KLF17: variants seen among roughly 807,000 people sequenced by gnomAD.
The protein encoded by KLF17 is Krueppel-like factor 17.
A neutral mutation model predicts 34.2 loss-of-function variants in KLF17; 31 were observed. The ratio of observed to expected loss-of-function variants is 0.91; its 90% CI spans 0.68 to 1.22. The LOEUF (loss-of-function observed/expected upper bound fraction) is 1.22, where lower values mean the gene tolerates loss of function less well. Among genes scored for constraint, KLF17 ranks in the 50% most tolerant of loss-of-function variants. KLF17 has a pLI of 0.00. For missense variants in KLF17, 478 were observed against 505.2 expected (o/e 0.95, Z 0.52); for synonymous variants, 179 against 186.7 (o/e 0.96, Z 0.34).
chr1:44,112,766 A>T, the KLF17 span, among the ~76,000 whole-genome samples: 1 of 152,108 alleles, frequency 6.6e-6, no homozygotes, highest in African/African-American at 2.4e-5. Context: ...AGCAGTGTCT[A>T]TCTGAATGCT....
chr1:44,102,046 A>AAAAGAAAC, the KLF17 span, among the ~76,000 whole-genome samples: 1 of 151,352 alleles, frequency 6.6e-6, no homozygotes, highest in Non-Finnish European at 1.5e-5. Flanking sequence ...CCCTGTCTCA[A>AAAAGAAAC]AAACAAACAA....
intron 3 of KLF17, 29 bp downstream of exon 3, chr1:44,130,785 T>C: frequency 6.2e-7 from 1 of 1,607,634 alleles, no homozygotes; most frequent in South Asian, 1.1e-5. Context: ...TTCTGGGTTT[T>C]CTTTTTCCTT....
chr1:44,125,597 A>G (rs57173249), intron 1 of KLF17, among the ~76,000 whole-genome samples: 1,804 of 152,228 alleles, frequency 0.012, 71 homozygotes, highest in East Asian at 0.074. Context: ...CCTCCTGAGT[A>G]GCTGGGATTA....
At chr1:44,122,933 A>G (rs182563119) in intron 1 of KLF17, among the ~76,000 whole-genome samples, 62 of 152,288 alleles carry the variant, frequency 4.1e-4, no homozygotes, top group Non-Finnish European at 3.7e-4. Flanking sequence ...CATTCATTCT[A>G]CATTTATTAG....
the KLF17 span, chr1:44,046,164 T>TAATAATAAC: frequency 6.9e-6 from 1 of 144,232 alleles, no homozygotes; most frequent in Non-Finnish European, 1.5e-5. Flanking sequence ...ATAATAATAA[T>TAATAATAAC]AGCTATCATA....
the KLF17 span, among the ~76,000 whole-genome samples, chr1:44,049,263 C>T: frequency 3.9e-5 from 6 of 152,238 alleles, no homozygotes; most frequent in South Asian, 6.2e-4. Context: ...CCAACGACCC[C>T]GTCTCCTAAT....
intron 2 of KLF17, 146 bp downstream of exon 2, chr1:44,130,342 A>G: frequency 7.0e-7 from 1 of 1,421,500 alleles, no homozygotes. Context: ...CTTGCCATAC[A>G]GGAGGACTGT....
chr1:44,071,205 C>T, the KLF17 span, among the ~76,000 whole-genome samples: 19,487 of 152,144 alleles, frequency 0.13, 1,432 homozygotes, highest in African/African-American at 0.2. Flanking sequence ...GGTTCCCTTC[C>T]ACTTCTTACT....
chr1:44,096,232 G>A, the KLF17 span, among the ~76,000 whole-genome samples: 1 of 152,062 alleles, frequency 6.6e-6, no homozygotes, highest in Non-Finnish European at 1.5e-5. Context: ...GTGAGCCACT[G>A]CACCTGGCCT....
At position 44,129,330 on chromosome 1, in the gene KLF17, TCACCTGA is replaced by T. The variant is rs767390829; in HGVS notation, c.82-21_82-15del. The T allele has an allele frequency of 4.7e-5, 70 of 1,503,374 alleles. No individual in the cohort carries two copies. Among genetic ancestry groups the T allele is most frequent in the Non-Finnish European group, 1.6e-5 (18 of 1,126,512 alleles). The allele number at this position is 1,503,374 out of a possible 1,614,324, so 93.1% of individuals were successfully genotyped here. A position where few individuals can be genotyped will look rare whatever the true frequency, so the allele number is the denominator to read the frequency against. On this transcript the variant is annotated splice_polypyrimidine_tract_variant and intron_variant, in intron 1 of 3. Coordinates refer to ENST00000372299, the MANE Select transcript of KLF17 (RefSeq NM_173484.4). ...TGTGGAACTGGAATTTGAGCAAAAATCACCTGACTCTTTTTCCCCAAGGATAACGAGA... is the reference window on the plus strand; with the variant it reads ...TGTGGAACTGGAATTTGAGCAAAAATCTCTTTTTCCCCAAGGATAACGAGA...
chr1:44,122,132 A>G lies in KLF17; in HGVS notation c.81+3144A>G, dbSNP rs184994489. On this transcript the variant is annotated intron_variant, in intron 1 of 3. Coordinates refer to ENST00000372299, the MANE Select transcript of KLF17 (RefSeq NM_173484.4). ...ATATCCCAAATCCCGTATGACTTTG[A>G]AACAGTAATCCTGAGAGACATTATC... 5,087 of 1,437,372 alleles carry G rather than the reference A, an allele frequency of 3.5e-3. 15 individuals carry two copies. The highest frequency in any genetic ancestry group is 4.3e-3 in the Non-Finnish European group (4,458 of 1,027,274). 89.0% of individuals were successfully genotyped at this position (1,437,372 alleles called of 1,614,324 possible).
At chr1:44,122,097 T>C in intron 1 of KLF17, 5 of 1,086,290 alleles carry the variant, frequency 4.6e-6, no homozygotes, top group East Asian at 2.4e-5. Context: ...AAACACAACC[T>C]GTACAAAAAA....
chr1:44,085,981 G>C, the KLF17 span, among the ~76,000 whole-genome samples: 1 of 152,080 alleles, frequency 6.6e-6, no homozygotes, highest in South Asian at 2.1e-4. Context: ...GTGAAGAAAA[G>C]GTGTCCAAGG....
At chr1:44,131,980 C>T (rs1381609986) in intron 3 of KLF17, among the ~76,000 whole-genome samples, 1 of 152,126 alleles carries the variant, frequency 6.6e-6, no homozygotes, top group Non-Finnish European at 1.5e-5. Flanking sequence ...CAAGCATAAG[C>T]CATGGTGTCT....
chr1:44,073,446 T>C, the KLF17 span, among the ~76,000 whole-genome samples: 1 of 152,080 alleles, frequency 6.6e-6, no homozygotes, highest in Non-Finnish European at 1.5e-5. Flanking sequence ...CCTCAGGTGA[T>C]CCACCCACCT....
chr1:44,060,373 C>G, the KLF17 span, among the ~76,000 whole-genome samples: 6 of 152,254 alleles, frequency 3.9e-5, no homozygotes, highest in East Asian at 7.7e-4. Flanking sequence ...GAGGCTGAGG[C>G]AGGTGAATCT....
the KLF17 span, among the ~76,000 whole-genome samples, chr1:44,057,582 C>T: frequency 1.3e-5 from 2 of 152,168 alleles, no homozygotes; most frequent in Non-Finnish European, 1.5e-5. Flanking sequence ...GTCAGCAGCA[C>T]CATACTATAT....
At chr1:44,049,797 A>G in the KLF17 span, among the ~76,000 whole-genome samples, 896 of 152,340 alleles carry the variant, frequency 5.9e-3, 6 homozygotes, top group African/African-American at 0.021. Flanking sequence ...TATTGTTTTC[A>G]ATCTATAAGG....
chr1:44,103,742 T>A, the KLF17 span: 3 of 1,279,216 alleles, frequency 2.3e-6, no homozygotes, highest in Non-Finnish European at 3.4e-6. Flanking sequence ...CACCCTTAAC[T>A]GCCAGCTCCT....
Sources: allele counts gnomAD v4.1 joint callset (sites outside exome capture counted in the v4.1 genomes callset), GRCh38; gene constraint gnomAD v4.1.1; transcripts MANE v1.5; gene names NCBI Gene and HGNC (gene_info 2026-07-23, HGNC 2026-07-21).